Variants in ABCC10 observed in about 807,000 individuals in gnomAD.
ABCC10 encodes ATP binding cassette subfamily C member 10.
Under a neutral mutation model 143.2 loss-of-function variants are expected in ABCC10, and 110 were observed. The observed-to-expected ratio is 0.77, with a 90% CI of 0.66 to 0.90. The LOEUF (loss-of-function observed/expected upper bound fraction) is 0.90, where lower values mean the gene tolerates loss of function less well. Among genes scored for constraint, ABCC10 ranks in the 40% least tolerant of loss-of-function variants. ABCC10 has a pLI of 0.00. For missense variants in ABCC10, 1,700 were observed against 1,900.5 expected, an observed-to-expected ratio of 0.89 and a Z score of 1.96; for synonymous variants, 805 against 846.7, an observed-to-expected ratio of 0.95 and a Z score of 0.85.
chr6:43,444,709 G>A (rs1341661883), intron 12 of ABCC10, 79 bp from the exon 13 acceptor site: 17 of 1,505,518 alleles, frequency 1.1e-5, no homozygotes, highest in Non-Finnish European at 1.4e-5. Context: ...AGAGGCAAGG[G>A]CGGAGAAAGG....
At chr6:43,444,506 G>A (rs1782815239) in intron 12 of ABCC10, among the ~76,000 whole-genome samples, 153 bp downstream of exon 12, 1 of 152,236 alleles carries the variant, frequency 6.6e-6, no homozygotes, top group East Asian at 1.9e-4. Context: ...AGATGCCCAG[G>A]GGCCAGAGGC....
At chr6:43,445,380 A>G in intron 14 of ABCC10, 66 bp downstream of exon 14, 2 of 1,523,678 alleles carry the variant, frequency 1.3e-6, no homozygotes, top group Non-Finnish European at 1.8e-6. Context: ...TCCTCCCAAT[A>G]CTCGGGCTCC....
At chr6:43,431,993 T>C (rs1781186862) in intron 2 of ABCC10, 149 bp from the exon 3 acceptor site, 11 of 1,440,610 alleles carry the variant, frequency 7.6e-6, no homozygotes, top group East Asian at 7.6e-5. Flanking sequence ...GAAAAGACCC[T>C]GGGTTCTGAG....
chr6:43,448,973 C>A lies in ABCC10; in HGVS notation c.4052C>A (p.Ala1351Asp), dbSNP rs1370908453. 1 of 1,614,070 alleles carries A rather than the reference C, an allele frequency of 6.2e-7. No individual in the cohort carries two copies. The highest frequency in any genetic ancestry group is 8.5e-7 in the Non-Finnish European group (1 of 1,180,020). The change falls in exon 19 of 22, where the codon GCC (alanine) becomes GAC (aspartate). Residue 1351 changes from alanine (A) to aspartate (D), a missense_variant. Physicochemically the swap from Ala to Asp is moderately radical, Grantham distance 126. Coordinates refer to ENST00000372530, the MANE Select transcript of ABCC10 (RefSeq NM_001198934.2). ...LDPQGLHKDR[A>D]LWQALKQCHL... The stretch of plus-strand genomic sequence containing the variant: ...CCCCAGGGCCTACATAAGGACAGGG[C>A]CTTGTGGCAGGCCCTGAAGCAGTGC...
Position 43,432,784 on chromosome 6 carries a change from G to A in ABCC10, c.804G>A (p.Gln268=), listed in dbSNP as rs1440141910. 3 of 1,614,224 alleles carry A rather than the reference G, an allele frequency of 1.9e-6. No individual in the cohort carries two copies. In the South Asian group the frequency reaches 3.3e-5, roughly 18 times the overall value. ...YLARVFQAHW[Q]EGARLWRALY... ...CTCGTGTCTTCCAGGCACACTGGCA[G>A]GAGGGGGCACGGCTGTGGAGGGCCT... is the stretch of plus-strand genomic sequence containing the variant. Residue 268 remains glutamine (Q), a synonymous_variant, in exon 3 of 22, where the codon CAG becomes CAA. Coordinates refer to ENST00000372530, the MANE Select transcript of ABCC10 (RefSeq NM_001198934.2).
chr6:43,428,908 G>C (rs1292346772), intron 2 of ABCC10, among the ~76,000 whole-genome samples: 1 of 152,170 alleles, frequency 6.6e-6, no homozygotes, highest in African/African-American at 2.4e-5. Context: ...TGAGAAGGCT[G>C]TCTATGCTAG....
downstream of ABCC10, chr6:43,450,772 A>T: frequency 6.2e-7 from 1 of 1,614,230 alleles, no homozygotes; most frequent in Non-Finnish European, 8.5e-7. This position sits in a 1 kb window ranked among gnomAD's most constrained non-coding sequence, Gnocchi z 4.5. Context: ...AGGGCCACCA[A>T]GCTAGGCTCA....
At position 43,449,435 on chromosome 6, in the gene ABCC10, A is replaced by T; in HGVS notation, c.4217A>T (p.Asp1406Val). The change falls in exon 21 of 22, where the codon GAT becomes GTT. Residue 1406 changes from aspartate to valine, a missense_variant. Asp to Val is a radical substitution (Grantham distance 152, BLOSUM62 -3). Coordinates refer to ENST00000372530, the MANE Select transcript of ABCC10 (RefSeq NM_001198934.2). The part of the protein sequence containing the change: ...LLTDAKILCI[D>V]EATASVDQKT... Reference sequence around the variant, plus strand: ...CCCATATTCCAGATCCTGTGTATCGATGAGGCCACAGCAAGTGTGGACCAG... The same window carrying T: ...CCCATATTCCAGATCCTGTGTATCGTTGAGGCCACAGCAAGTGTGGACCAG... 7.4e-6 allele frequency: 12 copies of T among 1,612,928 alleles called. No individual in the cohort carries two copies. The highest frequency in any genetic ancestry group is 9.3e-6 in the Non-Finnish European group (11 of 1,179,486).
chr6:43,446,136 C>A, intron 15 of ABCC10, 141 bp from the exon 16 acceptor site: 2 of 1,164,316 alleles, frequency 1.7e-6, no homozygotes, highest in South Asian at 3.0e-5. Context: ...CTGGCATCTG[C>A]AGCCCTGAGG....
Position 43,446,269 on chromosome 6 carries a change from T to C in ABCC10, c.3375-8T>C, listed in dbSNP as rs765378999. ...GGAGTGGCTTCACATCCCTCTGGCC[T>C]TCCCTAGGTTTGAGGAGGAGAACCT... On this transcript the variant is annotated splice_region_variant and splice_polypyrimidine_tract_variant and intron_variant, in intron 15 of 21. Transcript: ENST00000372530. The C allele has an allele frequency of 3.1e-6, 5 of 1,611,334 alleles. No individual in the cohort carries two copies. The highest frequency in any genetic ancestry group is 4.5e-5 in the East Asian group (2 of 44,862).
rs1268999292 is a variant in ABCC10, at chr6:43,433,095, C to G, written c.1115C>G (p.Pro372Arg). Residue 372 changes from proline to arginine, a missense_variant, in exon 3 of 22, where the codon CCC (proline) becomes CGC (arginine). Physicochemically the swap from Pro to Arg is moderately radical, Grantham distance 103. Transcript: ENST00000372530. ...TACTGCAAGGCTTTACAGCTGGGGC[C>G]CAGCCGCCCTCCTACTGGGGAGGCC... is the stretch of plus-strand genomic sequence containing the variant. Reference protein sequence around the residue: ...ILYCKALQLGPSRPPTGEALN... With the variant: ...ILYCKALQLGRSRPPTGEALN... 6.2e-7 allele frequency: 1 copy of G among 1,614,142 alleles called. No individual in the cohort carries two copies. The highest frequency in any genetic ancestry group is 8.5e-7 in the Non-Finnish European group (1 of 1,180,012).
At chr6:43,449,862 G>A in intron 21 of ABCC10, 67 bp from the exon 22 acceptor site, 1 of 1,564,036 alleles carries the variant, frequency 6.4e-7, no homozygotes. Flanking sequence ...AGGAGGGAAA[G>A]CAGGTCAGTG....
intron 9 of ABCC10, among the ~76,000 whole-genome samples, chr6:43,442,464 G>A (rs186694679): frequency 1.2e-3 from 179 of 152,222 alleles, no homozygotes; most frequent in African/African-American, 3.9e-3. Flanking sequence ...CCAGCTACTC[G>A]GGAGGCTGAG....
At chr6:43,435,141 G>A (rs1178870798) in intron 4 of ABCC10, 2 of 346,140 alleles carry the variant, frequency 5.8e-6, no homozygotes, top group Admixed American at 4.2e-5. Flanking sequence ...GGAAAAAAAT[G>A]TATGATGCAA....
intron 7 of ABCC10, 114 bp from the exon 8 acceptor site, chr6:43,438,510 G>T: frequency 6.8e-7 from 1 of 1,478,460 alleles, no homozygotes; most frequent in African/African-American, 1.4e-5. Context: ...GTGACATGAA[G>T]GGGGACCCTG....
At chr6:43,446,612 A>G (rs1202985208) in intron 16 of ABCC10, 166 bp downstream of exon 16, 3 of 985,182 alleles carry the variant, frequency 3.0e-6, no homozygotes, top group South Asian at 9.4e-5. Context: ...TGAGGAGACA[A>G]TCCCCAGGAG....
At chr6:43,438,238 A>G in intron 7 of ABCC10, 1 of 998,224 alleles carries the variant, frequency 1.0e-6, no homozygotes, top group Non-Finnish European at 1.4e-6. Flanking sequence ...TCAGCAAAGG[A>G]ATGGAAACAT....
Position 43,450,172 on chromosome 6 carries a change from C to G in ABCC10, c.*81C>G. On this transcript the variant is annotated 3_prime_UTR_variant, in exon 22 of 22. Coordinates refer to ENST00000372530, the MANE Select transcript of ABCC10 (RefSeq NM_001198934.2). This position sits in a 1 kb window ranked among gnomAD's most constrained non-coding sequence, Gnocchi z 4.5. ...TACAGAGGTGCTGGCTGCTTGTTTA[C>G]ATTCTCCTCTGGGGCTCTACCTCTC... The G allele has an allele frequency of 6.9e-7, 1 of 1,459,096 alleles. No homozygotes were observed. Among genetic ancestry groups the G allele is most frequent in the Non-Finnish European group, 9.3e-7 (1 of 1,080,090 alleles). The allele number at this position is 1,459,096 out of a possible 1,614,324, so 90.4% of individuals were successfully genotyped here. A position where few individuals can be genotyped will look rare whatever the true frequency, so the allele number is the denominator to read the frequency against.
intron 12 of ABCC10, 136 bp downstream of exon 12, chr6:43,444,489 T>C: frequency 8.4e-7 from 1 of 1,197,264 alleles, no homozygotes. Flanking sequence ...ATACTCCTAA[T>C]TCTGAGAGAT....
Sources: allele counts gnomAD v4.1 joint callset (sites outside exome capture counted in the v4.1 genomes callset), GRCh38; gene constraint gnomAD v4.1.1; non-coding constraint Gnocchi (gnomAD v3.1); transcripts MANE v1.5; gene names NCBI Gene and HGNC (gene_info 2026-07-23, HGNC 2026-07-21).